PKP4: variants seen among roughly 807,000 people sequenced by gnomAD.
The protein encoded by PKP4 is plakophilin-4.
PKP4 carries 90 observed loss-of-function variants against 145.1 expected under a neutral mutation model. The observed-to-expected ratio is 0.62, with a 90% CI of 0.52 to 0.74. The LOEUF is 0.74. PKP4 is among the 30% of genes least tolerant of loss of function. The probability of loss-of-function intolerance (pLI) is 0.00; values close to 1 mark genes in which losing one functional copy is unlikely to be tolerated. For missense variants in PKP4, 1,340 were observed against 1,482.7 expected (o/e 0.90, Z 1.58); for synonymous variants, 563 against 577.2 (o/e 0.98, Z 0.35).
chr2:158,469,424 C>G (rs1691206735), intron 1 of PKP4, among the ~76,000 whole-genome samples: 1 of 152,190 alleles, frequency 6.6e-6, no homozygotes, highest in Non-Finnish European at 1.5e-5. Flanking sequence ...TTTCTTATCC[C>G]CTCCTTCCCA....
At chr2:158,471,105 C>G (rs551273611) in intron 1 of PKP4, among the ~76,000 whole-genome samples, 1 of 152,166 alleles carries the variant, frequency 6.6e-6, no homozygotes, top group East Asian at 1.9e-4. Flanking sequence ...AGAGGAATCT[C>G]TCAGAGCCTT....
At chr2:158,664,944 A>G (rs1442769785) in intron 15 of PKP4, among the ~76,000 whole-genome samples, 2 of 25,180 alleles carry the variant, frequency 7.9e-5, no homozygotes, top group East Asian at 6.9e-3. Flanking sequence ...ATTTGATGAT[A>G]ATAAAAGACA....
At chr2:158,632,875 G>T (rs1042342737) in intron 8 of PKP4, among the ~76,000 whole-genome samples, 1 of 152,088 alleles carries the variant, frequency 6.6e-6, no homozygotes, top group South Asian at 2.1e-4. Context: ...GTAAATTGAG[G>T]AATTCCTTTA....
At chr2:158,584,521 T>C (rs1199504087) in intron 3 of PKP4, among the ~76,000 whole-genome samples, 9 of 152,190 alleles carry the variant, frequency 5.9e-5, no homozygotes, top group East Asian at 5.8e-4. Flanking sequence ...GCTTCTTGTG[T>C]AGCAAAACTG....
At chr2:158,674,546 C>G (rs371104019) in intron 19 of PKP4, among the ~76,000 whole-genome samples, 1 of 152,230 alleles carries the variant, frequency 6.6e-6, no homozygotes, top group African/African-American at 2.4e-5. Flanking sequence ...CCAGCATCTG[C>G]TGCTAATGGA....
intron 2 of PKP4, among the ~76,000 whole-genome samples, chr2:158,537,246 T>C (rs553338698): frequency 1.8e-4 from 27 of 152,346 alleles, no homozygotes; most frequent in African/African-American, 6.3e-4. Context: ...AGGATTTAAA[T>C]TCAATCTTTG....
intron 7 of PKP4, among the ~76,000 whole-genome samples, chr2:158,627,358 G>A (rs2052899651): frequency 1.3e-5 from 2 of 152,048 alleles, no homozygotes; most frequent in South Asian, 4.1e-4. Context: ...ATAAATTATT[G>A]TCTCCATATT....
chr2:158,528,837 G>A (rs1443159078), intron 1 of PKP4, among the ~76,000 whole-genome samples: 1 of 152,110 alleles, frequency 6.6e-6, no homozygotes, highest in Non-Finnish European at 1.5e-5. Context: ...ACAATTTCCA[G>A]TATCATCCAG....
intron 7 of PKP4, among the ~76,000 whole-genome samples, chr2:158,629,490 T>G (rs1162670846): frequency 6.6e-6 from 1 of 152,198 alleles, no homozygotes; most frequent in African/African-American, 2.4e-5. Flanking sequence ...GTGGTCTTCG[T>G]TATAGCAAGA....
intron 1 of PKP4, among the ~76,000 whole-genome samples, chr2:158,509,790 A>C (rs187529451): frequency 6.6e-6 from 1 of 152,210 alleles, no homozygotes; most frequent in African/African-American, 2.4e-5. Flanking sequence ...TCTACTAAAA[A>C]TACAAAATTA....
intron 11 of PKP4, among the ~76,000 whole-genome samples, chr2:158,654,810 T>C (rs2055757774): frequency 6.6e-6 from 1 of 152,044 alleles, no homozygotes; most frequent in Non-Finnish European, 1.5e-5. Context: ...AGGTAGGAAA[T>C]AAAAGAGAAA....
In PKP4 at chr2:158,577,265, T is replaced by C. The variant is rs537044642; in HGVS notation, c.133-6T>C. ...CTTATATGCCTTTTATTTTCTTGAA[T>C]CACAGGAGCTTCAGTTTCAGCGACT... On this transcript the variant is annotated splice_polypyrimidine_tract_variant and splice_region_variant and intron_variant, in intron 2 of 21. Transcript: ENST00000389759. 6 of 1,602,492 alleles carry C rather than the reference T, an allele frequency of 3.7e-6. No individual in the cohort carries two copies. In the East Asian group the frequency reaches 1.3e-4, roughly 36 times the overall value.
At chr2:158,550,558 C>T (rs2045535020) in intron 2 of PKP4, among the ~76,000 whole-genome samples, 1 of 152,188 alleles carries the variant, frequency 6.6e-6, no homozygotes, top group Non-Finnish European at 1.5e-5. Flanking sequence ...GATTTCTAGT[C>T]CTGCTGTTTG....
intron 2 of PKP4, among the ~76,000 whole-genome samples, chr2:158,564,366 A>G (rs2046800533): frequency 6.6e-6 from 1 of 152,188 alleles, no homozygotes; most frequent in Non-Finnish European, 1.5e-5. Flanking sequence ...TCTTTTGAAT[A>G]AGGATATAGT....
intron 17 of PKP4, among the ~76,000 whole-genome samples, chr2:158,673,058 ACAG>A (rs552357355): frequency 6.6e-5 from 10 of 152,156 alleles, no homozygotes; most frequent in Non-Finnish European, 1.3e-4. Context: ...CACTGACTTA[ACAG>A]CAGCAGCTCC....
chr2:158,529,703 T>G (rs7592864), intron 1 of PKP4, among the ~76,000 whole-genome samples: 22,672 of 152,242 alleles, frequency 0.15, 1,874 homozygotes, highest in Middle Eastern at 0.28. Context: ...CATTTTGCTC[T>G]TGAACCTGAA....
intron 1 of PKP4, among the ~76,000 whole-genome samples, chr2:158,531,473 A>C (rs1205407395): frequency 6.6e-6 from 1 of 152,196 alleles, no homozygotes; most frequent in Admixed American, 6.5e-5. Flanking sequence ...CTTAAATGCT[A>C]ATCTAGGATC....
intron 1 of PKP4, chr2:158,458,120 G>A (rs895112637): frequency 1.3e-5 from 2 of 152,958 alleles, no homozygotes; most frequent in African/African-American, 4.8e-5. Flanking sequence ...TCGGGGCGCA[G>A]CGGTAGTCAG....
chr2:158,577,129 A>G (rs2047919612), intron 2 of PKP4, 142 bp from the exon 3 acceptor site: 2 of 522,134 alleles, frequency 3.8e-6, no homozygotes, highest in Non-Finnish European at 6.9e-6. Flanking sequence ...TATTTCATCC[A>G]AAAATTGCAT....
Sources: gnomAD v4.1 joint callset for allele counts (sites outside exome capture counted in the v4.1 genomes callset) on GRCh38, gnomAD v4.1.1 for gene constraint, MANE v1.5 for transcripts, NCBI Gene and HGNC (gene_info 2026-07-23, HGNC 2026-07-21) for gene names.